Variants in ZBTB2 observed in about 807,000 individuals in gnomAD.
The protein encoded by ZBTB2 is zinc finger and BTB domain-containing protein 2.
A neutral mutation model predicts 39.5 loss-of-function variants in ZBTB2; 2 were observed. The observed-to-expected ratio is 0.05, with a 90% confidence interval of 0.02 to 0.16. ZBTB2 has a LOEUF of 0.16. Among genes scored for constraint, ZBTB2 ranks in the 10% least tolerant of loss-of-function variants. The probability of loss-of-function intolerance (pLI) is 1.00; values close to 1 mark genes in which losing one functional copy is unlikely to be tolerated. For synonymous variants in ZBTB2, 251 were observed against 256.6 expected (o/e 0.98, Z 0.21); for missense variants, 391 against 653.0 (o/e 0.60, Z 4.37).
intron 1 of ZBTB2, among the ~76,000 whole-genome samples, chr6:151,389,534 A>G (rs1264326817): frequency 6.6e-6 from 1 of 152,242 alleles, no homozygotes; most frequent in African/African-American, 2.4e-5. Flanking sequence ...ATTAGCAAGG[A>G]CAGGGCAGCG....
In ZBTB2 at chr6:151,373,659, A is replaced by G; in HGVS notation, c.-12-10T>C. 6.2e-7 allele frequency: 1 copy of G among 1,609,018 alleles called. No homozygotes were observed. Among genetic ancestry groups the G allele is most frequent in the Non-Finnish European group, 8.5e-7 (1 of 1,176,826 alleles). ...CCATTTTTTAAAAAATCTGCAAAGC[A>G]AACAATTTTATTTTTAAGAAGGTGA... On this transcript the variant is annotated splice_polypyrimidine_tract_variant and intron_variant, in intron 1 of 2. Coordinates refer to ENST00000325144, the MANE Select transcript of ZBTB2 (RefSeq NM_020861.3).
chr6:151,372,876 C>T (rs1393205798), intron 2 of ZBTB2, among the ~76,000 whole-genome samples: 4 of 151,976 alleles, frequency 2.6e-5, no homozygotes, highest in Admixed American at 1.3e-4. Flanking sequence ...CTGATCTTGC[C>T]GGGTGTGGTG....
At chr6:151,383,424 G>T (rs1562770537) in intron 1 of ZBTB2, among the ~76,000 whole-genome samples, 1 of 152,178 alleles carries the variant, frequency 6.6e-6, no homozygotes, top group African/African-American at 2.4e-5. Context: ...GAAATACAAG[G>T]ATTATTAAAA....
At chr6:151,378,644 T>C (rs537546502) in intron 1 of ZBTB2, among the ~76,000 whole-genome samples, 1 of 152,320 alleles carries the variant, frequency 6.6e-6, no homozygotes, top group East Asian at 1.9e-4. Context: ...GCTTTTCTCA[T>C]TAAAAAAGTA....
At chr6:151,375,349 G>A (rs1778885063) in intron 1 of ZBTB2, among the ~76,000 whole-genome samples, 1 of 152,010 alleles carries the variant, frequency 6.6e-6, no homozygotes, top group South Asian at 2.1e-4. Context: ...ATAAAACACT[G>A]GTGAAAGAAA....
At chr6:151,371,419 T>C (rs1408273912) in intron 2 of ZBTB2, among the ~76,000 whole-genome samples, 8 of 152,196 alleles carry the variant, frequency 5.3e-5, no homozygotes, top group Admixed American at 5.2e-4. Flanking sequence ...TTATGAGCCA[T>C]AAGCGAGGAC....
chr6:151,370,577 T>C (rs143416682), intron 2 of ZBTB2, among the ~76,000 whole-genome samples: 169 of 152,352 alleles, frequency 1.1e-3, no homozygotes, highest in East Asian at 9.4e-3. Flanking sequence ...TTATTTTTGA[T>C]AGCTGAAAGT....
chr6:151,391,006 C>G (rs1779289379), intron 1 of ZBTB2, among the ~76,000 whole-genome samples: 1 of 147,152 alleles, frequency 6.8e-6, no homozygotes, highest in South Asian at 2.2e-4. Flanking sequence ...AATCGCCCCC[C>G]TCCCCTTCCT....
chr6:151,365,556 T>A lies in ZBTB2; in HGVS notation c.1510A>T (p.Ile504Phe). 1 of 1,611,988 alleles carries A rather than the reference T, an allele frequency of 6.2e-7. No homozygotes were observed. The highest frequency in any genetic ancestry group is 8.5e-7 in the Non-Finnish European group (1 of 1,179,196). The change falls in exon 3 of 3, where the codon ATC becomes TTC. Residue 504 changes from isoleucine to phenylalanine, a missense_variant. Transcript: ENST00000325144. This position sits in a 1 kb window ranked among gnomAD's most constrained non-coding sequence, Gnocchi z 5.6. The part of the protein sequence containing the change: ...TEPDHPVLAS[I>F]KKEQETVLLD Reference sequence around the variant, plus strand: ...AAGACGGTTTCTTGTTCCTTTTTGATGGAAGCTAACACTGGGTGGTCAGGC... The same window carrying A: ...AAGACGGTTTCTTGTTCCTTTTTGAAGGAAGCTAACACTGGGTGGTCAGGC...
rs554108697 is a variant in ZBTB2, at chr6:151,364,132, G to A, written c.*1389C>T. 4 of 151,770 alleles carry A rather than the reference G, an allele frequency of 2.6e-5. No individual in the cohort carries two copies. The highest frequency in any genetic ancestry group is 4.2e-4 in the South Asian group (2 of 4,768). The allele number at this position is 151,770 out of a possible 1,614,324, so 9.4% of individuals were successfully genotyped here. ...ACATCATATACTCATTTAATTAAACGTTTATTCAATGAAAGGATGTATAAA... is the reference window on the plus strand; with the variant it reads ...ACATCATATACTCATTTAATTAAACATTTATTCAATGAAAGGATGTATAAA... On this transcript the variant is annotated 3_prime_UTR_variant, in exon 3 of 3. Coordinates refer to ENST00000325144, the MANE Select transcript of ZBTB2 (RefSeq NM_020861.3).
At chr6:151,374,930 T>TAAAAAAAAAAA (rs71556221) in intron 1 of ZBTB2, among the ~76,000 whole-genome samples, 4 of 63,822 alleles carry the variant, frequency 6.3e-5, no homozygotes, top group South Asian at 6.0e-4. Context: ...CCGTCTCTAC[T>TAAAAAAAAAAA]AAAAAAAAAA....
At position 151,364,720 on chromosome 6, in the gene ZBTB2, ACATT is replaced by A. The variant is rs1582911168; in HGVS notation, c.*797_*800del. ...TCAGAAAGGCAATTTATAGAATAGT[ACATT>A]CAAATTTGATTTTTAAAACAAATTT... is the stretch of plus-strand genomic sequence containing the variant. On this transcript the variant is annotated 3_prime_UTR_variant, in exon 3 of 3. Transcript: ENST00000325144. 2 of 152,312 alleles carry A rather than the reference ACATT, an allele frequency of 1.3e-5. No individual in the cohort carries two copies. The highest frequency in any genetic ancestry group is 4.1e-4 in the South Asian group (2 of 4,836). The allele number at this position is 152,312 out of a possible 1,614,324, so 9.4% of individuals were successfully genotyped here.
intron 2 of ZBTB2, among the ~76,000 whole-genome samples, chr6:151,368,673 C>G (rs987676126): frequency 6.7e-6 from 1 of 149,440 alleles, no homozygotes; most frequent in Admixed American, 6.6e-5. Flanking sequence ...AGGCTGGTCT[C>G]GAACTCCTGA....
chr6:151,379,368 T>C (rs1219165400), intron 1 of ZBTB2, among the ~76,000 whole-genome samples: 3 of 151,982 alleles, frequency 2.0e-5, no homozygotes, highest in Non-Finnish European at 4.4e-5. Context: ...AGGCCAGGTG[T>C]GGTGGCTTAT....
chr6:151,373,079 C>T lies in ZBTB2; in HGVS notation c.173+386G>A, dbSNP rs13200398. On this transcript the variant is annotated intron_variant, in intron 2 of 2. Transcript: ENST00000325144. Reference sequence around the variant, plus strand: ...CTGAAGCAGGAGAATGGCGTGAACCCGGGAGGCGGAGCTTGCAGTGAGCCG... The same window carrying T: ...CTGAAGCAGGAGAATGGCGTGAACCTGGGAGGCGGAGCTTGCAGTGAGCCG... Among the ~76,000 whole-genome samples, 6 of 141,500 alleles carry T rather than the reference C, an allele frequency of 4.2e-5. No homozygotes were observed. The South Asian group carries it at 1.2e-3, about 27-fold the overall frequency. The allele number at this position is 141,500 out of a possible 152,430, so 92.8% of individuals were successfully genotyped here.
At chr6:151,377,126 A>C (rs1778927014) in intron 1 of ZBTB2, among the ~76,000 whole-genome samples, 1 of 148,410 alleles carries the variant, frequency 6.7e-6, no homozygotes, top group African/African-American at 2.5e-5. Flanking sequence ...ATGTGTGAAA[A>C]TTATGGAAAG....
intron 1 of ZBTB2, among the ~76,000 whole-genome samples, chr6:151,391,152 G>A (rs1779297427): frequency 6.6e-6 from 1 of 150,806 alleles, no homozygotes; most frequent in African/African-American, 2.4e-5. Context: ...AGCGGCCAGA[G>A]CCCCGGCGCC....
chr6:151,385,266 C>G (rs190824374), intron 1 of ZBTB2, among the ~76,000 whole-genome samples: 1 of 152,306 alleles, frequency 6.6e-6, no homozygotes, highest in African/African-American at 2.4e-5. Flanking sequence ...ATAAAAAACA[C>G]TTCCTAGAGC....
chr6:151,386,146 G>A (rs1301223292), intron 1 of ZBTB2, among the ~76,000 whole-genome samples: 1 of 152,132 alleles, frequency 6.6e-6, no homozygotes, highest in Non-Finnish European at 1.5e-5. Context: ...GTAGATCAGA[G>A]ATTTATGGCT....
Sources: allele counts gnomAD v4.1 joint callset (sites outside exome capture counted in the v4.1 genomes callset), GRCh38; gene constraint gnomAD v4.1.1; non-coding constraint Gnocchi (gnomAD v3.1); transcripts MANE v1.5; gene names NCBI Gene and HGNC (gene_info 2026-07-23, HGNC 2026-07-21).